The following SENP7 variants were observed in gnomAD, a reference collection of about 807,000 sequenced individuals.
SENP7 encodes SUMO specific peptidase 7, also known as sentrin-specific protease 7.
In SENP7, 64 loss-of-function variants were observed where a neutral mutation model predicts 141.2. The ratio of observed to expected loss-of-function variants is 0.45; its 90% CI spans 0.37 to 0.56. The LOEUF (loss-of-function observed/expected upper bound fraction) is 0.56, where lower values mean the gene tolerates loss of function less well. SENP7 is among the 20% of genes least tolerant of loss of function. The pLI, the probability that SENP7 is intolerant of heterozygous loss-of-function variation, is 0.00. For synonymous variants in SENP7, 382 were observed against 426.4 expected (o/e 0.90, Z 1.28); for missense variants, 1,025 against 1,212.2 (o/e 0.85, Z 2.29).
In SENP7 at chr3:101,324,885, T is replaced by C. The variant is rs2058860244; in HGVS notation, c.*1058A>G. ...CATATATAATGCCACCATTATCACA[T>C]GAATTCAGAACTGTTACCTGAATAT... On this transcript the variant is annotated 3_prime_UTR_variant, in exon 24 of 24. Coordinates refer to ENST00000394095, the MANE Select transcript of SENP7 (RefSeq NM_020654.5). 3 of 152,092 alleles carry C rather than the reference T, an allele frequency of 2.0e-5. No individual in the cohort carries two copies. The South Asian group carries it at 6.2e-4, about 31-fold the overall frequency. 9.4% of individuals were successfully genotyped at this position (152,092 alleles called of 1,614,324 possible).
chr3:101,455,800 A>G (rs2063332264), intron 4 of SENP7, among the ~76,000 whole-genome samples: 1 of 152,178 alleles, frequency 6.6e-6, no homozygotes, highest in Non-Finnish European at 1.5e-5. Context: ...GTCATAATCC[A>G]GTTTCATCTA....
intron 12 of SENP7, among the ~76,000 whole-genome samples, chr3:101,350,264 T>C (rs1189887544): frequency 5.3e-5 from 8 of 152,142 alleles, no homozygotes; most frequent in Admixed American, 6.6e-5. Flanking sequence ...GGATTTCTTC[T>C]ATGTGAAAGA....
At chr3:101,332,740 A>G in intron 18 of SENP7, 30 bp downstream of exon 18, 3 of 1,403,358 alleles carry the variant, frequency 2.1e-6, no homozygotes, top group Non-Finnish European at 1.9e-6. Flanking sequence ...ATTCTTTCCA[A>G]TATGTTCTTA....
chr3:101,433,746 C>A (rs898445409), intron 4 of SENP7, among the ~76,000 whole-genome samples: 7 of 152,042 alleles, frequency 4.6e-5, no homozygotes, highest in Non-Finnish European at 8.8e-5. Context: ...AGTCACCCAA[C>A]CCTGGAGCAC....
chr3:101,485,644 C>A (rs902215594), intron 3 of SENP7, among the ~76,000 whole-genome samples: 2 of 152,202 alleles, frequency 1.3e-5, no homozygotes, highest in African/African-American at 2.4e-5. Context: ...TCTGACAGAG[C>A]CTACCCAAAT....
chr3:101,401,528 C>CA (rs60381137), intron 5 of SENP7, among the ~76,000 whole-genome samples: 28,499 of 130,032 alleles, frequency 0.22, 3,046 homozygotes, highest in Middle Eastern at 0.26. Flanking sequence ...CACTCCATCT[C>CA]AAAAAAAAAA....
chr3:101,457,895 A>G (rs1206794099), intron 4 of SENP7, among the ~76,000 whole-genome samples: 2 of 152,242 alleles, frequency 1.3e-5, no homozygotes, highest in African/African-American at 4.8e-5. Context: ...TATGTCTCCC[A>G]TAAGATAAAA....
At chr3:101,504,509 T>C (rs2065515160) in intron 1 of SENP7, among the ~76,000 whole-genome samples, 1 of 152,016 alleles carries the variant, frequency 6.6e-6, no homozygotes, top group Non-Finnish European at 1.5e-5. Context: ...TTTTGATAAC[T>C]TCAAATAATT....
At chr3:101,357,932 T>C (rs1490903962) in intron 11 of SENP7, 5 of 645,272 alleles carry the variant, frequency 7.7e-6, no homozygotes, top group Non-Finnish European at 1.3e-5. Flanking sequence ...ACCCTACAGA[T>C]GTAGAGAACG....
intron 4 of SENP7, among the ~76,000 whole-genome samples, chr3:101,428,885 G>C (rs943305242): frequency 6.6e-6 from 1 of 152,084 alleles, no homozygotes; most frequent in East Asian, 1.9e-4. Context: ...TCTAAGGAAG[G>C]AGTCATTTCA....
In SENP7 at chr3:101,506,020, A is replaced by ATTTTTT. The variant is rs61021808; in HGVS notation, c.41-4907_41-4902dup. Among the ~76,000 whole-genome samples, 20 of 141,210 alleles carry ATTTTTT rather than the reference A, an allele frequency of 1.4e-4. No individual in the cohort carries two copies. The South Asian group carries it at 2.2e-3, about 16-fold the overall frequency. The allele number at this position is 141,210 out of a possible 152,430, so 92.6% of individuals were successfully genotyped here. ...CACTCATTCACTTATTTATTCCATA[A>ATTTTTT]TTTTTTTTTTTTTTTTTTGAGACGG... On this transcript the variant is annotated intron_variant, in intron 1 of 23. Transcript: ENST00000394095.
intron 6 of SENP7, among the ~76,000 whole-genome samples, chr3:101,378,455 A>G (rs2060400406): frequency 6.6e-6 from 1 of 152,164 alleles, no homozygotes; most frequent in South Asian, 2.1e-4. Flanking sequence ...ATGGAAAAGG[A>G]AAGAATCTCT....
At chr3:101,466,561 A>G (rs1355771542) in intron 3 of SENP7, among the ~76,000 whole-genome samples, 1 of 152,214 alleles carries the variant, frequency 6.6e-6, no homozygotes, top group African/African-American at 2.4e-5. Flanking sequence ...AAGCTAAGGG[A>G]ATTTATCACA....
At chr3:101,424,592 C>G (rs1472676834) in intron 4 of SENP7, among the ~76,000 whole-genome samples, 2 of 152,030 alleles carry the variant, frequency 1.3e-5, no homozygotes, top group African/African-American at 4.8e-5. Context: ...ACTGAGCAAC[C>G]ACCCCTGCCT....
chr3:101,379,316 T>C (rs1674447430), intron 6 of SENP7, among the ~76,000 whole-genome samples: 1 of 152,172 alleles, frequency 6.6e-6, no homozygotes, highest in Non-Finnish European at 1.5e-5. Context: ...AATCTTCACA[T>C]TAGATTTGTT....
intron 4 of SENP7, among the ~76,000 whole-genome samples, chr3:101,422,034 C>T (rs1457382466): frequency 6.6e-6 from 1 of 152,176 alleles, no homozygotes; most frequent in Non-Finnish European, 1.5e-5. Context: ...AACTGGGCCA[C>T]ACAGCAGGAG....
chr3:101,420,293 A>G (rs542882628), intron 4 of SENP7, among the ~76,000 whole-genome samples: 24 of 152,230 alleles, frequency 1.6e-4, no homozygotes, highest in African/African-American at 5.8e-4. Context: ...GCGTGAACCC[A>G]GGAGGCGGAG....
chr3:101,423,393 T>C (rs1443821455), intron 4 of SENP7, among the ~76,000 whole-genome samples: 1 of 152,138 alleles, frequency 6.6e-6, no homozygotes, highest in Non-Finnish European at 1.5e-5. Context: ...ATAAAGAAGA[T>C]GACCATGTAA....
intron 6 of SENP7, among the ~76,000 whole-genome samples, chr3:101,395,451 T>C (rs1277419849): frequency 2.6e-5 from 4 of 152,204 alleles, no homozygotes; most frequent in Non-Finnish European, 5.9e-5. Flanking sequence ...TGGCTGTAAA[T>C]ATATGGATTT....
Sources: gnomAD v4.1 joint callset for allele counts (sites outside exome capture counted in the v4.1 genomes callset) on GRCh38, gnomAD v4.1.1 for gene constraint, MANE v1.5 for transcripts, NCBI Gene and HGNC (gene_info 2026-07-23, HGNC 2026-07-21) for gene names.